DBT: variants seen among roughly 807,000 people sequenced by gnomAD.
DBT encodes the protein lipoamide acyltransferase component of branched-chain alpha-keto acid dehydrogenase complex, mitochondrial.
Under a neutral mutation model 51.3 loss-of-function variants are expected in DBT, and 40 were observed. That is an observed-to-expected ratio of 0.78 (90% CI 0.61 to 1.02). The LOEUF (loss-of-function observed/expected upper bound fraction) is 1.02, where lower values mean the gene tolerates loss of function less well. Among genes scored for constraint, DBT ranks in the 50% least tolerant of loss-of-function variants. The pLI is 0.00. For synonymous variants in DBT, 181 were observed against 190.4 expected (o/e 0.95, Z 0.41); for missense variants, 510 against 580.2 (o/e 0.88, Z 1.24).
At chr1:100,234,328 A>C (rs1381914838) in intron 3 of DBT, among the ~76,000 whole-genome samples, 2 of 152,126 alleles carry the variant, frequency 1.3e-5, no homozygotes, top group Non-Finnish European at 2.9e-5. Flanking sequence ...GAAATTAACA[A>C]ATGGTTTTTT....
chr1:100,237,246 C>T (rs1663924608), intron 2 of DBT, among the ~76,000 whole-genome samples: 2 of 152,106 alleles, frequency 1.3e-5, no homozygotes, highest in African/African-American at 4.8e-5. Context: ...AATGAGTTGC[C>T]CCATCGGAAA....
chr1:100,223,535 T>C (rs1384723052), intron 4 of DBT, among the ~76,000 whole-genome samples: 1 of 152,172 alleles, frequency 6.6e-6, no homozygotes, highest in Non-Finnish European at 1.5e-5. Context: ...GGCACAAGCA[T>C]AACTCAATGC....
chr1:100,210,591 A>T (rs1662077853), intron 8 of DBT, 103 bp downstream of exon 8: 12 of 1,513,652 alleles, frequency 7.9e-6, no homozygotes, highest in Non-Finnish European at 9.9e-6. Context: ...ATTCTAGTCT[A>T]AAAAAGATCA....
Position 100,210,697 on chromosome 1 carries a change from A to G in DBT, c.1014T>C (p.Tyr338=). The G allele has an allele frequency of 1.2e-6, 2 of 1,613,012 alleles. No homozygotes were observed. The highest frequency in any genetic ancestry group is 1.7e-6 in the Non-Finnish European group (2 of 1,179,134). ...SVDENCQNIT[Y]KASHNIGIAM... is the part of the protein sequence containing the mutation. ...ATTTTTACTCTGCATAGCCAACCTT[A>G]TATGTTATATTCTGGCAGTTTTCAT... Residue 338 remains tyrosine (Y), a synonymous_variant, in exon 8 of 11, where the codon TAT becomes TAC. Coordinates refer to ENST00000370132, the MANE Select transcript of DBT (RefSeq NM_001918.5).
At chr1:100,234,399 G>A (rs1025013977) in intron 3 of DBT, among the ~76,000 whole-genome samples, 6 of 151,786 alleles carry the variant, frequency 4.0e-5, no homozygotes, top group Non-Finnish European at 7.4e-5. Context: ...ACTTCGGAAG[G>A]CCCAGGTGGG....
Position 100,214,797 on chromosome 1 carries a change from T to A in DBT, c.939+20A>T. 1 of 1,612,726 alleles carries A rather than the reference T, an allele frequency of 6.2e-7. No individual in the cohort carries two copies. The highest frequency in any genetic ancestry group is 2.2e-5 in the East Asian group (1 of 44,862). On this transcript the variant is annotated intron_variant, in intron 7 of 10. Coordinates refer to ENST00000370132, the MANE Select transcript of DBT (RefSeq NM_001918.5). ...AATAAATGTCCTACTCAAGCCTTGTTTGAAATGAATGAATCTCACCTTTAA... is the reference window on the plus strand; with the variant it reads ...AATAAATGTCCTACTCAAGCCTTGTATGAAATGAATGAATCTCACCTTTAA...
rs1365729531 is a variant in DBT, at chr1:100,187,101, G to A, written c.*9154C>T. 6.6e-6 allele frequency: 1 copy of A among 152,028 alleles called. No homozygotes were observed. Among genetic ancestry groups the A allele is most frequent in the Non-Finnish European group, 1.5e-5 (1 of 68,002 alleles). 9.4% of individuals were successfully genotyped at this position (152,028 alleles called of 1,614,324 possible). On this transcript the variant is annotated 3_prime_UTR_variant, in exon 11 of 11. Coordinates refer to ENST00000370132, the MANE Select transcript of DBT (RefSeq NM_001918.5). ...ACACAACTTCTCTGATGAATGAAGT[G>A]GTTACCATATTTTTTCCCATTGTGT...
At chr1:100,225,066 C>T (rs71660921) in intron 4 of DBT, among the ~76,000 whole-genome samples, 41,954 of 91,948 alleles carry the variant, frequency 0.46, 12,838 homozygotes, top group South Asian at 0.63. Context: ...CACACACACA[C>T]ACACACACAC....
intron 7 of DBT, among the ~76,000 whole-genome samples, chr1:100,212,614 AAGTG>A (rs1006264335): frequency 2.0e-5 from 3 of 152,208 alleles, no homozygotes; most frequent in Admixed American, 6.5e-5. Context: ...AGCGCCCAGT[AAGTG>A]AGTAAGTGAA....
At chr1:100,200,662 G>A (rs193061398) in intron 10 of DBT, among the ~76,000 whole-genome samples, 192 of 152,276 alleles carry the variant, frequency 1.3e-3, no homozygotes, top group South Asian at 7.5e-3. Flanking sequence ...GAGAGCTCTC[G>A]CTGGCATCTG....
rs752915898 is a variant in DBT, at chr1:100,196,431, GAAAAAAAAA to G, written c.1282-18_1282-10del. On this transcript the variant is annotated splice_polypyrimidine_tract_variant and intron_variant, in intron 10 of 10. Transcript: ENST00000370132. ...TTAAATCGGGGAATGGCCTAGAAAT[GAAAAAAAAA>G]AAAAAAAAAAAAAAAAAAAGAACAA... 5.5e-3 allele frequency: 3,527 copies of G among 645,884 alleles called. No homozygotes were observed. The highest frequency in any genetic ancestry group is 6.8e-3 in the East Asian group (151 of 22,254). The allele number at this position is 645,884 out of a possible 1,614,324, so 40.0% of individuals were successfully genotyped here. A position where few individuals can be genotyped will look rare whatever the true frequency, so the allele number is the denominator to read the frequency against.
Position 100,195,263 on chromosome 1 carries a change from A to T in DBT, c.*992T>A, listed in dbSNP as rs1661025767. The T allele has an allele frequency of 6.6e-6, 1 of 152,642 alleles. No homozygotes were observed. The highest frequency in any genetic ancestry group is 1.5e-5 in the Non-Finnish European group (1 of 68,044). The allele number at this position is 152,642 out of a possible 1,614,324, so 9.5% of individuals were successfully genotyped here. A position where few individuals can be genotyped will look rare whatever the true frequency, so the allele number is the denominator to read the frequency against. ...TTCCTTACATGAGGGAAGTTTGCAAAGGTGAAGGTCTTCCCCAAGAAAATA... is the reference window on the plus strand; with the variant it reads ...TTCCTTACATGAGGGAAGTTTGCAATGGTGAAGGTCTTCCCCAAGAAAATA... On this transcript the variant is annotated 3_prime_UTR_variant, in exon 11 of 11. Coordinates refer to ENST00000370132, the MANE Select transcript of DBT (RefSeq NM_001918.5).
rs1661066321 is a variant in DBT at position 100,195,976 on chromosome 1, A to C, written c.*279T>G. 4 of 441,960 alleles carry C rather than the reference A, an allele frequency of 9.1e-6. No homozygotes were observed. Among genetic ancestry groups the C allele is most frequent in the Non-Finnish European group, 1.2e-5 (3 of 241,804 alleles). 27.4% of individuals were successfully genotyped at this position (441,960 alleles called of 1,614,324 possible). On this transcript the variant is annotated 3_prime_UTR_variant, in exon 11 of 11. Coordinates refer to ENST00000370132, the MANE Select transcript of DBT (RefSeq NM_001918.5). ...CACCATGCCCGGCCTAATTTTGTTA[A>C]TCTTGCCAGTTTCAAGCCATTGACA... is the stretch of plus-strand genomic sequence containing the variant.
At chr1:100,213,893 C>G (rs1016772916) in intron 7 of DBT, among the ~76,000 whole-genome samples, 14 of 145,754 alleles carry the variant, frequency 9.6e-5, no homozygotes, top group African/African-American at 3.6e-4. Context: ...TTATTTTTTG[C>G]AGTCTTCAAT....
At chr1:100,196,546 G>C (rs1661118686) in intron 10 of DBT, 124 bp from the exon 11 acceptor site, 2 of 1,398,314 alleles carry the variant, frequency 1.4e-6, no homozygotes, top group East Asian at 2.5e-5. Flanking sequence ...GTACAGTACA[G>C]AAAAAAATGG....
chr1:100,237,018 A>G (rs989057206), intron 2 of DBT, among the ~76,000 whole-genome samples: 4 of 152,210 alleles, frequency 2.6e-5, no homozygotes, highest in African/African-American at 9.6e-5. Context: ...TGTTCCCATC[A>G]GGAGGCCGAG....
At position 100,238,121 on chromosome 1, in the gene DBT, T is replaced by C. The variant is rs112258388; in HGVS notation, c.176-2610A>G. Reference sequence around the variant, plus strand: ...CTCCCTCCCTCCCTCAAGATGACTCTAGGTTTCCTTCCTTCCTTCCCTCCT... The same window carrying C: ...CTCCCTCCCTCCCTCAAGATGACTCCAGGTTTCCTTCCTTCCTTCCCTCCT... On this transcript the variant is annotated intron_variant, in intron 2 of 10. Coordinates refer to ENST00000370132, the MANE Select transcript of DBT (RefSeq NM_001918.5). Among the ~76,000 whole-genome samples, 1,109 of 149,840 alleles carry C rather than the reference T, an allele frequency of 7.4e-3. 19 individuals carry two copies. The highest frequency in any genetic ancestry group is 0.026 in the African/African-American group (1,080 of 41,018).
chr1:100,222,167 G>C (rs1227217149), intron 4 of DBT, among the ~76,000 whole-genome samples: 2 of 152,140 alleles, frequency 1.3e-5, no homozygotes. Flanking sequence ...TAGCTACCAA[G>C]AGCACCTACT....
intron 1 of DBT, among the ~76,000 whole-genome samples, chr1:100,248,024 A>C (rs10127453): frequency 0.77 from 116,355 of 151,134 alleles, 46,623 homozygotes; most frequent in East Asian, 0.94. Flanking sequence ...ATCGCTTGAA[A>C]CTGGGAGGCA....
Sources: gnomAD v4.1 joint callset for allele counts (sites outside exome capture counted in the v4.1 genomes callset) on GRCh38, gnomAD v4.1.1 for gene constraint, MANE v1.5 for transcripts, NCBI Gene and HGNC (gene_info 2026-07-23, HGNC 2026-07-21) for gene names.